Variants in EXOC1 observed in about 807,000 individuals in gnomAD.
The protein encoded by EXOC1 is SEC3-like 1.
Under a neutral mutation model 107.7 loss-of-function variants are expected in EXOC1, and 67 were observed. The ratio of observed to expected loss-of-function variants is 0.62; its 90% CI spans 0.51 to 0.76. The LOEUF (loss-of-function observed/expected upper bound fraction) is 0.76. Ranked by LOEUF, EXOC1 falls within the 30% of genes least tolerant of loss-of-function variation. The pLI is 0.00. For synonymous variants in EXOC1, 348 were observed against 353.5 expected (o/e 0.98, Z 0.17); for missense variants, 833 against 1,055.7 (o/e 0.79, Z 2.92).
At chr4:55,877,045 A>T (rs1722967480) in intron 8 of EXOC1, 8 of 982,802 alleles carry the variant, frequency 8.1e-6, no homozygotes, top group East Asian at 1.1e-4. Flanking sequence ...AAAATTTTTT[A>T]AAATTCATAA....
At chr4:55,854,302 A>G (rs189310323) in intron 1 of EXOC1, among the ~76,000 whole-genome samples, 45 of 152,024 alleles carry the variant, frequency 3.0e-4, no homozygotes, top group South Asian at 1.2e-3. Context: ...ACAGGGCCCA[A>G]TGCACACGGG....
chr4:55,861,746 A>T (rs1302918784), intron 3 of EXOC1, among the ~76,000 whole-genome samples: 2 of 152,234 alleles, frequency 1.3e-5, no homozygotes, highest in South Asian at 2.1e-4. Context: ...AAAGAAAATT[A>T]TAATGGGATG....
At chr4:55,857,139 C>T (rs1305388424) in intron 1 of EXOC1, among the ~76,000 whole-genome samples, 2 of 142,504 alleles carry the variant, frequency 1.4e-5, no homozygotes, top group East Asian at 2.0e-4. Context: ...AATATTTTAG[C>T]ATGTTTCATT....
At chr4:55,894,989 C>G (rs1725037622) in intron 15 of EXOC1, among the ~76,000 whole-genome samples, 1 of 152,104 alleles carries the variant, frequency 6.6e-6, no homozygotes, top group African/African-American at 2.4e-5. Context: ...TTCATGAACA[C>G]TTCTCAAGGC....
chr4:55,887,917 CAAGGCT>C (rs1184430549), intron 10 of EXOC1, among the ~76,000 whole-genome samples: 3 of 139,002 alleles, frequency 2.2e-5, no homozygotes, highest in Admixed American at 7.2e-5. Context: ...TTCAGGTAGC[CAAGGCT>C]AGAAAGATAT....
At chr4:55,860,091 T>C (rs986529057) in intron 2 of EXOC1, among the ~76,000 whole-genome samples, 13 of 152,252 alleles carry the variant, frequency 8.5e-5, no homozygotes, top group African/African-American at 3.1e-4. Flanking sequence ...AATGGTATTT[T>C]GCTCTTTCAA....
Position 55,883,826 on chromosome 4 carries a change from T to TA in EXOC1, c.1229dup (p.Tyr410Ter). The change falls in exon 10 of 19, where the codon TAC (tyrosine) becomes TAAC (stop). Residue 410 changes from tyrosine to a stop codon, truncating the protein, a stop_gained and frameshift_variant. Transcript: ENST00000381295. LOFTEE classifies it high-confidence loss of function. ...TACATGTTACTTTTATTTTAAGAAT[T>TA]ACATGGATTATTTATCCCGACTATA... ...YGKYEGLTKN[Y>*]MDYLSRLYER... is the part of the protein sequence containing the mutation. 6.4e-7 allele frequency: 1 copy of TA among 1,562,082 alleles called. No homozygotes were observed. The highest frequency in any genetic ancestry group is 8.7e-7 in the Non-Finnish European group (1 of 1,150,472).
At chr4:55,892,832 G>A (rs879907323) in intron 14 of EXOC1, 121 bp downstream of exon 14, 25 of 836,066 alleles carry the variant, frequency 3.0e-5, no homozygotes, top group Non-Finnish European at 4.5e-5. Context: ...GTACCAGCAT[G>A]TGTGTCCATT....
intron 11 of EXOC1, 109 bp from the exon 12 acceptor site, chr4:55,890,114 T>G (rs1724344784): frequency 4.8e-6 from 5 of 1,037,194 alleles, no homozygotes; most frequent in Admixed American, 2.2e-5. Context: ...CTAACTAATA[T>G]GAGCCCTGGA....
At chr4:55,876,475 G>A (rs1032532077) in intron 8 of EXOC1, 59 of 663,360 alleles carry the variant, frequency 8.9e-5, no homozygotes, top group Non-Finnish European at 1.1e-4. Context: ...ACTATAAATA[G>A]GCCCATGTCA....
chr4:55,891,818 T>C (rs1329967933), intron 13 of EXOC1, among the ~76,000 whole-genome samples: 1 of 152,186 alleles, frequency 6.6e-6, no homozygotes, highest in Non-Finnish European at 1.5e-5. Flanking sequence ...ATAACAATAA[T>C]GATAAATAAA....
At chr4:55,899,530 G>C (rs562556192) in intron 16 of EXOC1, among the ~76,000 whole-genome samples, 155 bp from the exon 17 acceptor site, 1 of 152,166 alleles carries the variant, frequency 6.6e-6, no homozygotes, top group South Asian at 2.1e-4. Flanking sequence ...TGATTAGGTA[G>C]ATCTGAAGAC....
At position 55,876,319 on chromosome 4, in the gene EXOC1, G is replaced by A. The variant is rs572110844; in HGVS notation, c.1075-1598G>A. 139 of 984,536 alleles carry A rather than the reference G, an allele frequency of 1.4e-4. 1 individual carries two copies. In the South Asian group the frequency reaches 3.2e-3, roughly 22 times the overall value. 61.0% of individuals were successfully genotyped at this position (984,536 alleles called of 1,614,324 possible). Reference sequence around the variant, plus strand: ...GAAAAGAATATCCACATAGGTCTACGCTCCGTTATCCAGAATTCTGGGGGT... The same window carrying A: ...GAAAAGAATATCCACATAGGTCTACACTCCGTTATCCAGAATTCTGGGGGT... On this transcript the variant is annotated intron_variant, in intron 8 of 18. Coordinates refer to ENST00000381295, the MANE Select transcript of EXOC1 (RefSeq NM_001024924.2).
At chr4:55,897,050 A>G (rs770937330) in intron 16 of EXOC1, 150 bp downstream of exon 16, 18 of 650,990 alleles carry the variant, frequency 2.8e-5, no homozygotes, top group Non-Finnish European at 4.0e-5. Flanking sequence ...AATTTGGAAA[A>G]TAAAACCTAT....
chr4:55,896,838 C>T lies in EXOC1; in HGVS notation c.2075C>T (p.Ala692Val). The change falls in exon 16 of 19, where the codon GCT (alanine) becomes GTT (valine). Residue 692 changes from alanine (A) to valine (V), a missense_variant. Ala to Val is a moderately conservative substitution (Grantham distance 64). Transcript: ENST00000381295. The part of the protein sequence containing the change: ...AGLAESIFKN[A>V]ERRGDLDKAY... The stretch of plus-strand genomic sequence containing the variant: ...CTTGCAGAATCAATCTTCAAAAATG[C>T]TGAGCGTCGTGGAGACCTGGATAAA... The T allele has an allele frequency of 6.2e-7, 1 of 1,611,716 alleles. No homozygotes were observed. The highest frequency in any genetic ancestry group is 8.5e-7 in the Non-Finnish European group (1 of 1,179,218).
intron 8 of EXOC1, chr4:55,875,502 A>G (rs1022986240): frequency 1.0e-6 from 1 of 973,672 alleles, no homozygotes; most frequent in African/African-American, 1.8e-5. Context: ...GAGTGCAGAC[A>G]CTAGAGCCAA....
chr4:55,867,736 T>C lies in EXOC1; in HGVS notation c.416-600T>C, dbSNP rs566799431. ...AAGCTGTAACTTATCTTTAGAAATG[T>C]TATCAATGCATGTGAAATTTTTTTA... On this transcript the variant is annotated intron_variant, in intron 4 of 18. Coordinates refer to ENST00000381295, the MANE Select transcript of EXOC1 (RefSeq NM_001024924.2). 3.3e-5 allele frequency among the ~76,000 whole-genome samples: 5 copies of C among 152,306 alleles called. No individual in the cohort carries two copies. The East Asian group carries it at 7.7e-4, about 23-fold the overall frequency.
chr4:55,892,430 A>G (rs1724669348), intron 13 of EXOC1, among the ~76,000 whole-genome samples: 1 of 152,164 alleles, frequency 6.6e-6, no homozygotes, highest in African/African-American at 2.4e-5. Flanking sequence ...AAGTTCTTGG[A>G]TAAAACCTAA....
chr4:55,865,726 T>G (rs1318934501), intron 4 of EXOC1, among the ~76,000 whole-genome samples: 1 of 151,974 alleles, frequency 6.6e-6, no homozygotes, highest in Non-Finnish European at 1.5e-5. Flanking sequence ...AGGACAGTCA[T>G]ATAGAAAAAT....
Sources: allele counts gnomAD v4.1 joint callset (sites outside exome capture counted in the v4.1 genomes callset), GRCh38; gene constraint gnomAD v4.1.1; transcripts MANE v1.5; gene names NCBI Gene and HGNC (gene_info 2026-07-23, HGNC 2026-07-21).